The following PTPRG variants were observed in gnomAD, a reference collection of about 807,000 sequenced individuals.
PTPRG encodes the protein receptor-type tyrosine-protein phosphatase gamma.
A neutral mutation model predicts 165.3 loss-of-function variants in PTPRG; 102 were observed. The ratio of observed to expected loss-of-function variants is 0.62; its 90% CI spans 0.53 to 0.73. The LOEUF (loss-of-function observed/expected upper bound fraction) is 0.73, where lower values mean the gene tolerates loss of function less well. Ranked by LOEUF, PTPRG falls within the 30% of genes least tolerant of loss-of-function variation. The probability of loss-of-function intolerance (pLI) is 0.00; values close to 1 mark genes in which losing one functional copy is unlikely to be tolerated. For missense variants in PTPRG, 1,866 were observed against 1,861.4 expected (o/e 1.00, Z -0.05); for synonymous variants, 675 against 669.5 (o/e 1.01, Z -0.13).
At chr3:62,068,373 A>C (rs9863323) in intron 4 of PTPRG, among the ~76,000 whole-genome samples, 105,566 of 151,910 alleles carry the variant, frequency 0.69, 38,049 homozygotes, top group Non-Finnish European at 0.79. Context: ...TCCGTCAAGC[A>C]GGTAAGTTCA....
chr3:62,295,928 C>T lies in PTPRG; in HGVS notation c.*2621C>T, dbSNP rs1703046050. On this transcript the variant is annotated 3_prime_UTR_variant, in exon 30 of 30. Transcript: ENST00000474889. ...GAGACATAAGCACATTGCTTAAGTA[C>T]ATAACAAGGTTATTAACACTTGCAC... is the stretch of plus-strand genomic sequence containing the variant. 6.6e-6 allele frequency: 1 copy of T among 151,998 alleles called. No individual in the cohort carries two copies. The allele number at this position is 151,998 out of a possible 1,614,324, so 9.4% of individuals were successfully genotyped here.
At chr3:62,136,842 T>G (rs1703726820) in intron 6 of PTPRG, among the ~76,000 whole-genome samples, 1 of 152,172 alleles carries the variant, frequency 6.6e-6, no homozygotes, top group Admixed American at 6.5e-5. Context: ...TAAATCTCTT[T>G]CTTTTGTAAA....
At chr3:62,058,973 C>T (rs1700719613) in intron 4 of PTPRG, among the ~76,000 whole-genome samples, 1 of 152,144 alleles carries the variant, frequency 6.6e-6, no homozygotes, top group African/African-American at 2.4e-5. Flanking sequence ...CAGAACTCTG[C>T]TCTTGGTAGG....
chr3:61,571,272 G>A (rs575625975), intron 1 of PTPRG, among the ~76,000 whole-genome samples: 75 of 152,224 alleles, frequency 4.9e-4, no homozygotes, highest in African/African-American at 1.7e-3. Flanking sequence ...GGAGCGGTGG[G>A]GGGCGGTGAC....
At chr3:61,567,665 C>CAAAAA (rs35299199) in intron 1 of PTPRG, among the ~76,000 whole-genome samples, 2,832 of 111,264 alleles carry the variant, frequency 0.025, 122 homozygotes, top group African/African-American at 0.067. Flanking sequence ...GACCCTGTCT[C>CAAAAA]AAAAAAAAAA....
rs115597967 is a variant in PTPRG, at chr3:61,799,196, C to T, written c.190+50214C>T. ...TGAAAATAAAGAGTTCCCATATACC[C>T]CAAATCCAGTTTTTTCTATTGTTAA... is the stretch of plus-strand genomic sequence containing the variant. On this transcript the variant is annotated intron_variant, in intron 2 of 29. Coordinates refer to ENST00000474889, the MANE Select transcript of PTPRG (RefSeq NM_002841.4). Among the ~76,000 whole-genome samples the T allele has an allele frequency of 7.6e-3, 1,155 of 152,068 alleles. 10 individuals are homozygous for T. The highest frequency in any genetic ancestry group is 0.013 in the Non-Finnish European group (856 of 67,996).
At chr3:62,289,766 T>G (rs1456307666) in intron 28 of PTPRG, among the ~76,000 whole-genome samples, 1 of 147,112 alleles carries the variant, frequency 6.8e-6, no homozygotes, top group Non-Finnish European at 1.5e-5. Flanking sequence ...ATAATTGTTA[T>G]TTACCAGATG....
Position 62,257,818 on chromosome 3 carries a change from G to A in PTPRG, c.2559+2603G>A, listed in dbSNP as rs1348401981. ...AAAAAAATTTTTTTTAATTAGCCAG[G>A]TGTGGTGACGCACAACTGTGGTCCT... On this transcript the variant is annotated intron_variant, in intron 16 of 29. Coordinates refer to ENST00000474889, the MANE Select transcript of PTPRG (RefSeq NM_002841.4). 3.9e-5 allele frequency among the ~76,000 whole-genome samples: 6 copies of A among 152,218 alleles called. No homozygotes were observed. The South Asian group carries it at 1.0e-3, about 26-fold the overall frequency.
intron 2 of PTPRG, among the ~76,000 whole-genome samples, chr3:61,798,784 G>T (rs956233926): frequency 1.3e-5 from 2 of 152,114 alleles, no homozygotes; most frequent in South Asian, 2.1e-4. Context: ...GGAGACAAGG[G>T]CTTGACTAGT....
At chr3:61,858,961 A>T (rs114701209) in intron 2 of PTPRG, among the ~76,000 whole-genome samples, 5 of 151,580 alleles carry the variant, frequency 3.3e-5, no homozygotes, top group Admixed American at 2.0e-4. Context: ...AGCACTTCCA[A>T]TGTTTTAAGT....
At chr3:62,074,463 C>G (rs1293355447) in intron 4 of PTPRG, among the ~76,000 whole-genome samples, 1 of 149,614 alleles carries the variant, frequency 6.7e-6, no homozygotes, top group Non-Finnish European at 1.5e-5. Context: ...TCGAGCAATC[C>G]TCTCACCTCA....
chr3:62,009,479 T>A (rs151209945), intron 4 of PTPRG, among the ~76,000 whole-genome samples: 126 of 152,362 alleles, frequency 8.3e-4, no homozygotes, highest in African/African-American at 2.9e-3. Context: ...TATGTTACCT[T>A]GACCTCCTAC....
chr3:61,773,831 G>T (rs1274045823), intron 2 of PTPRG, among the ~76,000 whole-genome samples: 3 of 151,492 alleles, frequency 2.0e-5, no homozygotes, highest in Non-Finnish European at 2.9e-5. Flanking sequence ...CTGGAGTACA[G>T]TGGTGTGATC....
At chr3:61,836,391 A>C (rs1182561625) in intron 2 of PTPRG, among the ~76,000 whole-genome samples, 1 of 152,182 alleles carries the variant, frequency 6.6e-6, no homozygotes, top group Non-Finnish European at 1.5e-5. Context: ...AAGTTGTAAC[A>C]TTTTGAGGCC....
At position 61,849,297 on chromosome 3, in the gene PTPRG, A is replaced by T. The variant is rs150376423; in HGVS notation, c.190+100315A>T. ...TGCTTTCAAATCAACATAATGGTGG[A>T]TGGTTTGTTTTTTGCATTTCTTACC... On this transcript the variant is annotated intron_variant, in intron 2 of 29. Coordinates refer to ENST00000474889, the MANE Select transcript of PTPRG (RefSeq NM_002841.4). Among the ~76,000 whole-genome samples, 436 of 152,294 alleles carry T rather than the reference A, an allele frequency of 2.9e-3. 9 individuals carry two copies. Among genetic ancestry groups the T allele is most frequent in the Admixed American group, 0.021 (326 of 15,292 alleles).
At chr3:61,939,246 C>A (rs549541164) in intron 2 of PTPRG, among the ~76,000 whole-genome samples, 7 of 152,266 alleles carry the variant, frequency 4.6e-5, no homozygotes, top group African/African-American at 1.7e-4. Context: ...TTTACTCACA[C>A]GAGGTTTGCA....
At chr3:61,751,054 A>C (rs1338928929) in intron 2 of PTPRG, 1 of 152,220 alleles carries the variant, frequency 6.6e-6, no homozygotes, top group Admixed American at 6.5e-5. Flanking sequence ...ATAGAATGGG[A>C]CAGATATCAA....
rs2106936812 is a variant in PTPRG, at chr3:62,237,354, T to C, written c.2375+6043T>C. Reference sequence around the variant, plus strand: ...TGTTTGGGTAGTAAGTCTCTATAACTGGAATTTTATTAATACTTATAAAGG... The same window carrying C: ...TGTTTGGGTAGTAAGTCTCTATAACCGGAATTTTATTAATACTTATAAAGG... On this transcript the variant is annotated intron_variant, in intron 14 of 29. Coordinates refer to ENST00000474889, the MANE Select transcript of PTPRG (RefSeq NM_002841.4). This position sits in a 1 kb window ranked among gnomAD's most constrained non-coding sequence, Gnocchi z 4.5. Among the ~76,000 whole-genome samples the C allele has an allele frequency of 6.6e-6, 1 of 152,274 alleles. No individual in the cohort carries two copies. Among genetic ancestry groups the C allele is most frequent in the Admixed American group, 6.5e-5 (1 of 15,290 alleles).
intron 10 of PTPRG, among the ~76,000 whole-genome samples, chr3:62,199,290 C>T (rs1355277485): frequency 6.6e-6 from 1 of 152,168 alleles, no homozygotes; most frequent in South Asian, 2.1e-4. Context: ...GACCTACACA[C>T]GTTTGACTTT....
Sources: gnomAD v4.1 joint callset for allele counts (sites outside exome capture counted in the v4.1 genomes callset) on GRCh38, gnomAD v4.1.1 for gene constraint, Gnocchi (gnomAD v3.1) non-coding constraint, MANE v1.5 for transcripts, NCBI Gene and HGNC (gene_info 2026-07-23, HGNC 2026-07-21) for gene names.